COL14A1: variants seen among roughly 807,000 people sequenced by gnomAD.
The protein encoded by COL14A1 is collagen type XIV alpha 1 chain.
Under a neutral mutation model 230.3 loss-of-function variants are expected in COL14A1, and 136 were observed. The ratio of observed to expected loss-of-function variants is 0.59; its 90% CI spans 0.51 to 0.68. The LOEUF (loss-of-function observed/expected upper bound fraction) is 0.68. COL14A1 is among the 30% of genes least tolerant of loss of function. The pLI is 0.00. For synonymous variants in COL14A1, 792 were observed against 784.1 expected, an observed-to-expected ratio of 1.01 and a Z score of -0.17; for missense variants, 1,976 against 2,215.8, an observed-to-expected ratio of 0.89 and a Z score of 2.17.
At chr8:120,269,688 A>T (rs577246798) in intron 25 of COL14A1, among the ~76,000 whole-genome samples, 1 of 151,666 alleles carries the variant, frequency 6.6e-6, no homozygotes, top group South Asian at 2.1e-4. Flanking sequence ...TTGGCACTAG[A>T]CAGTGTTTGC....
At chr8:120,231,909 A>G (rs1283217201) in intron 19 of COL14A1, 1 of 296,896 alleles carries the variant, frequency 3.4e-6, no homozygotes, top group Non-Finnish European at 6.3e-6. Flanking sequence ...AAGTTGGGTC[A>G]TAAAAGGCCA....
At chr8:120,157,114 T>G (rs190791357) in intron 2 of COL14A1, among the ~76,000 whole-genome samples, 9 of 152,258 alleles carry the variant, frequency 5.9e-5, no homozygotes, top group African/African-American at 2.2e-4. Flanking sequence ...GTTTTGAAGT[T>G]TGAATGACCT....
intron 40 of COL14A1, among the ~76,000 whole-genome samples, chr8:120,329,402 T>C (rs968919599): frequency 6.6e-6 from 1 of 151,878 alleles, no homozygotes; most frequent in African/African-American, 2.4e-5. Context: ...AGCCTAGGAG[T>C]CCGAGACCAG....
At chr8:120,211,182 C>T (rs1406653604) in intron 12 of COL14A1, among the ~76,000 whole-genome samples, 1 of 152,034 alleles carries the variant, frequency 6.6e-6, no homozygotes, top group Admixed American at 6.6e-5. Flanking sequence ...CATAGGGAAA[C>T]ATCTTGCAAG....
intron 39 of COL14A1, 116 bp from the exon 40 acceptor site, chr8:120,315,828 G>T: frequency 6.6e-6 from 7 of 1,065,072 alleles, no homozygotes; most frequent in African/African-American, 1.6e-5. Flanking sequence ...GGTTACAAAG[G>T]GTTCACCATT....
At position 120,369,373 on chromosome 8, in the gene COL14A1, C is replaced by A. The variant is rs758119641; in HGVS notation, c.5199C>A (p.Gly1733=). 2 of 1,603,472 alleles carry A rather than the reference C, an allele frequency of 1.2e-6. No individual in the cohort carries two copies. Among genetic ancestry groups the A allele is most frequent in the Admixed American group, 1.7e-5 (1 of 58,494 alleles). ...ESRPGSPGPP[G]SPGPRGPPGH... ...GGCCTGGCAGCCCTGGGCCCCCTGG[C>A]TCTCCTGGACCAAGAGGCCCACCAG... is the stretch of plus-strand genomic sequence containing the variant. Residue 1733 remains glycine, a synonymous_variant, in exon 47 of 48, where the codon GGC becomes GGA. Transcript: ENST00000297848.
At chr8:120,349,907 G>A (rs2130310898) in intron 45 of COL14A1, among the ~76,000 whole-genome samples, 1 of 146,002 alleles carries the variant, frequency 6.8e-6, no homozygotes, top group African/African-American at 2.6e-5. Flanking sequence ...TACTCCTCGA[G>A]AAGAGCAACT....
chr8:120,222,882 A>G (rs2130795274), intron 14 of COL14A1, among the ~76,000 whole-genome samples: 1 of 152,318 alleles, frequency 6.6e-6, no homozygotes, highest in Non-Finnish European at 1.5e-5. Context: ...TAAATAAAGT[A>G]ATTTCAGGTT....
At chr8:120,341,103 GTC>G (rs1822278786) in intron 42 of COL14A1, among the ~76,000 whole-genome samples, 1 of 152,162 alleles carries the variant, frequency 6.6e-6, no homozygotes, top group Non-Finnish European at 1.5e-5. Context: ...AATATACCAT[GTC>G]TCTGCATAAA....
intron 14 of COL14A1, among the ~76,000 whole-genome samples, chr8:120,221,737 C>T (rs1337907467): frequency 6.6e-6 from 1 of 152,094 alleles, no homozygotes; most frequent in Admixed American, 6.6e-5. Flanking sequence ...CTAGACATTC[C>T]AGTTAATAAT....
intron 19 of COL14A1, among the ~76,000 whole-genome samples, chr8:120,242,016 A>G (rs1818621665): frequency 6.6e-6 from 1 of 152,228 alleles, no homozygotes; most frequent in South Asian, 2.1e-4. Flanking sequence ...AGTAATTAAC[A>G]CAAACTTTGT....
intron 43 of COL14A1, among the ~76,000 whole-genome samples, chr8:120,341,898 A>G (rs1822310234): frequency 6.6e-6 from 1 of 152,132 alleles, no homozygotes; most frequent in African/African-American, 2.4e-5. Flanking sequence ...TAATTGTGCC[A>G]TTGGCTATAG....
At chr8:120,282,696 T>G (rs1191533601) in intron 31 of COL14A1, among the ~76,000 whole-genome samples, 1 of 152,202 alleles carries the variant, frequency 6.6e-6, no homozygotes, top group Non-Finnish European at 1.5e-5. Context: ...TGTATTTTTT[T>G]GCTTGGAGGA....
In COL14A1 at chr8:120,228,796, C is replaced by A. The variant is rs199806454; in HGVS notation, c.2197+27C>A. 4.9e-5 allele frequency: 78 copies of A among 1,600,872 alleles called. 1 individual carries two copies. The African/African-American group carries it at 8.8e-4, about 18-fold the overall frequency. ...TAAGGTCAAATAGTAGCCTGCTTAA[C>A]CACTTTAAAAATTTTCTTTAAACAG... is the stretch of plus-strand genomic sequence containing the variant. On this transcript the variant is annotated intron_variant, in intron 18 of 47. Coordinates refer to ENST00000297848, the MANE Select transcript of COL14A1 (RefSeq NM_021110.4).
chr8:120,349,426 T>A (rs1292269703), intron 45 of COL14A1, among the ~76,000 whole-genome samples: 1 of 147,432 alleles, frequency 6.8e-6, no homozygotes, highest in Non-Finnish European at 1.5e-5. Flanking sequence ...CTTCAGACGA[T>A]CAAATTACTC....
At chr8:120,202,331 C>A (rs1218087995) in intron 8 of COL14A1, among the ~76,000 whole-genome samples, 1 of 152,198 alleles carries the variant, frequency 6.6e-6, no homozygotes, top group Non-Finnish European at 1.5e-5. Context: ...AGTTCAGAGA[C>A]AACTAATGCT....
chr8:120,157,309 C>A (rs1301856532), intron 2 of COL14A1, among the ~76,000 whole-genome samples: 3 of 152,106 alleles, frequency 2.0e-5, no homozygotes, highest in African/African-American at 7.2e-5. Flanking sequence ...CCTTTACAAT[C>A]ATTTTCTCAA....
Position 120,372,769 on chromosome 8 carries a change from C to G in COL14A1, c.*1538C>G, listed in dbSNP as rs569697622. On this transcript the variant is annotated 3_prime_UTR_variant, in exon 48 of 48. Transcript: ENST00000297848. ...AAGGATTCTTCAGATGATTCATCTT[C>G]AGACTTCATCTGAAGGATTCAAACA... Among the ~76,000 whole-genome samples the G allele has an allele frequency of 4.7e-4, 71 of 150,386 alleles. 1 individual carries two copies. The highest frequency in any genetic ancestry group is 4.3e-4 in the Non-Finnish European group (29 of 67,524).
intron 5 of COL14A1, among the ~76,000 whole-genome samples, chr8:120,192,779 G>A (rs924292631): frequency 6.6e-5 from 10 of 151,568 alleles, no homozygotes; most frequent in East Asian, 5.8e-4. Flanking sequence ...TTCCCTTCTC[G>A]CTTCATTTCT....
Sources: allele counts gnomAD v4.1 joint callset (sites outside exome capture counted in the v4.1 genomes callset), GRCh38; gene constraint gnomAD v4.1.1; transcripts MANE v1.5; gene names NCBI Gene and HGNC (gene_info 2026-07-23, HGNC 2026-07-21).